The following DYSF variants were observed in gnomAD, a reference collection of about 807,000 sequenced individuals.
The protein encoded by DYSF is dystrophy-associated fer-1-like 1.
In DYSF, 212 loss-of-function variants were observed where a neutral mutation model predicts 274.9. The ratio of observed to expected loss-of-function variants is 0.77; its 90% CI spans 0.69 to 0.86. The LOEUF (loss-of-function observed/expected upper bound fraction) is 0.86. Ranked by LOEUF, DYSF falls within the 40% of genes least tolerant of loss-of-function variation. DYSF has a pLI of 0.00. For missense variants in DYSF, 2,666 were observed against 2,783.2 expected (o/e 0.96, Z 0.95); for synonymous variants, 1,091 against 1,078.7 (o/e 1.01, Z -0.22).
intron 22 of DYSF, among the ~76,000 whole-genome samples, chr2:71,560,450 C>T (rs2091661967): frequency 6.6e-6 from 1 of 151,814 alleles, no homozygotes; most frequent in South Asian, 2.1e-4. Context: ...GCATGCCCCT[C>T]CACCACCGAG....
At chr2:71,664,141 G>A in intron 45 of DYSF, 127 bp from the exon 46 acceptor site, 3 of 1,184,302 alleles carry the variant, frequency 2.5e-6, no homozygotes, top group Non-Finnish European at 2.5e-6. Flanking sequence ...GGGTGGTTGG[G>A]CCTGTAAGAT....
chr2:71,517,311 T>A (rs2086762729), intron 10 of DYSF, among the ~76,000 whole-genome samples: 1 of 152,194 alleles, frequency 6.6e-6, no homozygotes, highest in Non-Finnish European at 1.5e-5. Context: ...TCCACTAAGA[T>A]GCTGCAAAGA....
chr2:71,470,332 C>T (rs146896038), intron 1 of DYSF, among the ~76,000 whole-genome samples: 379 of 152,060 alleles, frequency 2.5e-3, no homozygotes, highest in African/African-American at 8.6e-3. Flanking sequence ...CTGAAGGCCC[C>T]GGACTCTCTG....
chr2:71,569,829 T>C lies in DYSF; in HGVS notation c.2874T>C (p.His958=). The C allele has an allele frequency of 6.2e-7, 1 of 1,613,876 alleles. No homozygotes were observed. Among genetic ancestry groups the C allele is most frequent in the Non-Finnish European group, 8.5e-7 (1 of 1,179,936 alleles). ...WFVCPEKTLL[H]DMDAGHLSFV... is the part of the protein sequence containing the mutation. ...CAGCCCTCCTCCACAGTCTGCTCCA[T>C]GACATGGACGCCGGTCACCTGAGCT... The change falls in exon 27 of 56, where the codon CAT becomes CAC. Residue 958 remains histidine, a synonymous_variant. Coordinates refer to ENST00000410020, the MANE Select transcript of DYSF (RefSeq NM_001130987.2).
intron 40 of DYSF, among the ~76,000 whole-genome samples, chr2:71,618,069 G>T (rs199508593): frequency 1.5e-4 from 6 of 41,020 alleles, no homozygotes; most frequent in Admixed American, 9.7e-4. Context: ...GTAGAGATGG[G>T]GTGTGTGTGT....
rs982499253 is a variant in DYSF, at chr2:71,686,702, C to T, written c.*210C>T. 19 of 630,762 alleles carry T rather than the reference C, an allele frequency of 3.0e-5. No homozygotes were observed. Among genetic ancestry groups the T allele is most frequent in the Admixed American group, 7.6e-5 (3 of 39,272 alleles). The allele number at this position is 630,762 out of a possible 1,614,324, so 39.1% of individuals were successfully genotyped here. On this transcript the variant is annotated 3_prime_UTR_variant, in exon 56 of 56. Coordinates refer to ENST00000410020, the MANE Select transcript of DYSF (RefSeq NM_001130987.2). ...CCCACTTCCATCATTTCCTTCTCCC[C>T]CAACCCAACGCTTTTTTGGATCAGC...
chr2:71,596,466 C>T (rs890997047), intron 32 of DYSF, among the ~76,000 whole-genome samples: 12 of 152,302 alleles, frequency 7.9e-5, no homozygotes, highest in Admixed American at 2.6e-4. Flanking sequence ...TATCGGAATG[C>T]GCCCTCCTTT....
Position 71,664,296 on chromosome 2 carries a change from C to T in DYSF, c.5032C>T (p.Leu1678=). Residue 1678 remains leucine, a synonymous_variant, in exon 46 of 56, where the codon CTG becomes TTG. Transcript: ENST00000410020. Reference sequence around the variant, plus strand: ...GTTCGAGCTGACCTGCACTCTGCCTCTGGAGAAGGACCTAAAGATCACTCT... The same window carrying T: ...GTTCGAGCTGACCTGCACTCTGCCTTTGGAGAAGGACCTAAAGATCACTCT... The part of the protein sequence containing the change: ...KMFELTCTLP[L]EKDLKITLYD... The T allele has an allele frequency of 6.2e-7, 1 of 1,614,194 alleles. No homozygotes were observed. The highest frequency in any genetic ancestry group is 8.5e-7 in the Non-Finnish European group (1 of 1,180,028).
intron 39 of DYSF, 42 bp from the exon 40 acceptor site, chr2:71,613,292 G>T (rs1427665398): frequency 6.3e-7 from 1 of 1,580,420 alleles, no homozygotes; most frequent in South Asian, 1.1e-5. Flanking sequence ...CGAGCCTTTT[G>T]AGAGAGCCCC....
chr2:71,478,391 T>A (rs1291601524), intron 1 of DYSF, among the ~76,000 whole-genome samples: 1 of 151,808 alleles, frequency 6.6e-6, no homozygotes, highest in East Asian at 1.9e-4. Flanking sequence ...TTTTGTATTT[T>A]TAGTAGAGAT....
chr2:71,481,023 G>T, intron 2 of DYSF, 85 bp downstream of exon 2: 1 of 1,356,518 alleles, frequency 7.4e-7, no homozygotes, highest in Admixed American at 1.7e-5. Context: ...TGGAGGAGGT[G>T]CCTTCTCAGC....
At chr2:71,641,301 C>T (rs910213467) in intron 41 of DYSF, among the ~76,000 whole-genome samples, 5 of 150,802 alleles carry the variant, frequency 3.3e-5, no homozygotes, top group Non-Finnish European at 7.4e-5. Flanking sequence ...GCCTCAGCCT[C>T]CCGAGTAGCT....
chr2:71,644,278 TC>T (rs1558709338), intron 42 of DYSF, among the ~76,000 whole-genome samples: 1 of 152,148 alleles, frequency 6.6e-6, no homozygotes. Context: ...AAGACAGTAT[TC>T]CCAGGAGAAT....
At chr2:71,679,305 T>C (rs2095266152) in intron 53 of DYSF, 70 bp downstream of exon 53, 2 of 1,482,328 alleles carry the variant, frequency 1.3e-6, no homozygotes, top group African/African-American at 2.8e-5. Flanking sequence ...TGTCAGAAAA[T>C]ACGTCATCAG....
Position 71,564,152 on chromosome 2 carries a change from C to T in DYSF, c.2504C>T (p.Ser835Phe), listed in dbSNP as rs867284941. 6.2e-7 allele frequency: 1 copy of T among 1,614,268 alleles called. No individual in the cohort carries two copies. The highest frequency in any genetic ancestry group is 8.5e-7 in the Non-Finnish European group (1 of 1,180,044). The change falls in exon 24 of 56, where the codon TCC becomes TTC. Residue 835 changes from serine to phenylalanine, a missense_variant. Ser to Phe is a radical substitution (Grantham distance 155). Coordinates refer to ENST00000410020, the MANE Select transcript of DYSF (RefSeq NM_001130987.2). The stretch of plus-strand genomic sequence containing the variant: ...GTGCCCGCCCACCAAGTCCTCTTCT[C>T]CCGGCGGGGTGCCAACTACTGTGGC... ...QRVPAHQVLF[S>F]RRGANYCGKN...
intron 30 of DYSF, among the ~76,000 whole-genome samples, chr2:71,578,116 G>A (rs552466374): frequency 8.5e-5 from 13 of 152,320 alleles, no homozygotes; most frequent in Non-Finnish European, 1.5e-4. Context: ...AGCAGGCACC[G>A]TCTGGGGATA....
intron 36 of DYSF, among the ~76,000 whole-genome samples, chr2:71,608,554 C>T (rs565303058): frequency 3.9e-4 from 60 of 152,232 alleles, no homozygotes; most frequent in Non-Finnish European, 7.4e-4. Flanking sequence ...CTTCTGCCTC[C>T]GCTGGGCCCG....
At chr2:71,598,157 CAGCCCCT>C (rs2093451617) in intron 32 of DYSF, among the ~76,000 whole-genome samples, 1 of 152,230 alleles carries the variant, frequency 6.6e-6, no homozygotes, top group African/African-American at 2.4e-5. Flanking sequence ...ATTGTATTCT[CAGCCCCT>C]AGCACCTAGC....
intron 30 of DYSF, chr2:71,576,883 ATTC>A (rs1362960478): frequency 3.9e-5 from 6 of 152,292 alleles, no homozygotes; most frequent in African/African-American, 9.6e-5. Flanking sequence ...CGATCTGCGT[ATTC>A]TTCTTGTGGA....
Sources: allele counts gnomAD v4.1 joint callset (sites outside exome capture counted in the v4.1 genomes callset), GRCh38; gene constraint gnomAD v4.1.1; transcripts MANE v1.5; gene names NCBI Gene and HGNC (gene_info 2026-07-23, HGNC 2026-07-21).